TPTE2: variants seen among roughly 807,000 people sequenced by gnomAD.
TPTE2 encodes the protein transmembrane phosphoinositide 3-phosphatase and tensin homolog 2.
TPTE2 carries 53 observed loss-of-function variants against 78.6 expected under a neutral mutation model. That is an observed-to-expected ratio of 0.67 (90% CI 0.54 to 0.85). TPTE2 has a LOEUF of 0.85. Among genes scored for constraint, TPTE2 ranks in the 40% least tolerant of loss-of-function variants. The pLI is 0.00. For synonymous variants in TPTE2, 175 were observed against 206.2 expected, an observed-to-expected ratio of 0.85 and a Z score of 1.30; for missense variants, 461 against 623.0, an observed-to-expected ratio of 0.74 and a Z score of 2.77.
chr13:19,537,659 G>A (rs905652896), upstream of TPTE2, among the ~76,000 whole-genome samples: 4 of 151,586 alleles, frequency 2.6e-5, no homozygotes, highest in Admixed American at 6.6e-5. Flanking sequence ...CTGGAGTGCA[G>A]TGGTACTGTG....
At chr13:19,441,668 G>A (rs1403887057) in intron 13 of TPTE2, among the ~76,000 whole-genome samples, 2 of 151,970 alleles carry the variant, frequency 1.3e-5, no homozygotes, top group Non-Finnish European at 2.9e-5. Flanking sequence ...ACTCAACAAA[G>A]AGAATCCACC....
the TPTE2 span, among the ~76,000 whole-genome samples, chr13:19,543,656 A>C: frequency 2.0e-5 from 3 of 151,214 alleles, no homozygotes; most frequent in African/African-American, 7.3e-5. Context: ...ACGCCTGGCC[A>C]CTAATGAATA....
upstream of TPTE2, among the ~76,000 whole-genome samples, chr13:19,537,084 G>A (rs1446090081): frequency 2.6e-5 from 4 of 151,740 alleles, no homozygotes; most frequent in African/African-American, 9.7e-5. Context: ...TGCATCTAAG[G>A]GGTACAAATG....
chr13:19,558,669 A>T, the TPTE2 span, among the ~76,000 whole-genome samples: 3 of 152,234 alleles, frequency 2.0e-5, no homozygotes, highest in African/African-American at 7.2e-5. Flanking sequence ...AACAGGGTTA[A>T]CAATCTTACA....
chr13:19,423,371 A>G (rs1875752803), intron 19 of TPTE2, among the ~76,000 whole-genome samples: 2 of 152,212 alleles, frequency 1.3e-5, no homozygotes, highest in Non-Finnish European at 2.9e-5. Context: ...TCAGTAACAC[A>G]TGCTGACTCT....
At chr13:19,518,815 T>C (rs540432744) in intron 1 of TPTE2, among the ~76,000 whole-genome samples, 1 of 152,292 alleles carries the variant, frequency 6.6e-6, no homozygotes, top group African/African-American at 2.4e-5. Flanking sequence ...TTTTCTTAGA[T>C]CTGTCCAAGA....
At chr13:19,436,228 GAGA>G in exon 15 of TPTE2, 1 of 1,610,532 alleles carries the variant, frequency 6.2e-7, no homozygotes, top group South Asian at 1.1e-5. Flanking sequence ...AAACTTACCT[GAGA>G]AGGAGTTTCT....
rs907879227 is a variant in TPTE2 at position 19,458,603 on chromosome 13, C to T, written c.741+5853G>A. On this transcript the variant is annotated intron_variant, in intron 10 of 19. Transcript: ENST00000400230. ...TAATCCAATGGCCTGACCTGTCTTC[C>T]ACCTGAAGAGACCATGGAGATTAGG... is the stretch of plus-strand genomic sequence containing the variant. 1.4e-4 allele frequency: 66 copies of T among 468,612 alleles called. 1 individual carries two copies. In the Admixed American group the frequency reaches 1.4e-3, roughly 10 times the overall value. 29.0% of individuals were successfully genotyped at this position (468,612 alleles called of 1,614,324 possible).
intron 1 of TPTE2, among the ~76,000 whole-genome samples, chr13:19,519,745 T>G (rs74491682): frequency 0.014 from 2,073 of 152,298 alleles, 39 homozygotes; most frequent in African/African-American, 0.046. Context: ...TCTTCAAGAT[T>G]GTTTTGGTTA....
intron 12 of TPTE2, 24 bp downstream of exon 15, chr13:19,450,239 T>G (rs1224984649): frequency 6.2e-7 from 1 of 1,610,934 alleles, no homozygotes. Context: ...CCTCTTCTGA[T>G]AGTCAATTTA....
intron 6 of TPTE2, among the ~76,000 whole-genome samples, chr13:19,467,921 A>G (rs1454811901): frequency 6.8e-6 from 1 of 147,328 alleles, no homozygotes; most frequent in African/African-American, 2.5e-5. Flanking sequence ...GAGCCCCATA[A>G]TAAGTGAGAA....
chr13:19,468,157 C>T (rs973133347), intron 6 of TPTE2, among the ~76,000 whole-genome samples: 11 of 149,882 alleles, frequency 7.3e-5, no homozygotes, highest in Admixed American at 6.0e-4. Flanking sequence ...TCTCCTGCCT[C>T]AGCCTCACGA....
In TPTE2 at chr13:19,521,677, T is replaced by C. The variant is rs1870160863; in HGVS notation, c.-44+14919A>G. On this transcript the variant is annotated intron_variant, in intron 1 of 17. Coordinates refer to the TPTE2 transcript ENST00000390680. ...TGAGTTGTTTTCTTAGTGGTTGCCC[T>C]GGATATTGCAATTAACATGTTGATT... Among the ~76,000 whole-genome samples, 4 of 152,214 alleles carry C rather than the reference T, an allele frequency of 2.6e-5. No individual in the cohort carries two copies. In the South Asian group the frequency reaches 8.3e-4, roughly 32 times the overall value.
chr13:19,555,123 C>G, the TPTE2 span, among the ~76,000 whole-genome samples: 2 of 152,222 alleles, frequency 1.3e-5, no homozygotes, highest in Non-Finnish European at 2.9e-5. Flanking sequence ...ATGCCTGACG[C>G]TCTCTCAGAT....
chr13:19,451,034 G>A lies in TPTE2; in HGVS notation c.802+131C>T. 4 of 1,126,034 alleles carry A rather than the reference G, an allele frequency of 3.6e-6. No homozygotes were observed. In the South Asian group the frequency reaches 6.3e-5, roughly 18 times the overall value. The allele number at this position is 1,126,034 out of a possible 1,614,324, so 69.8% of individuals were successfully genotyped here. On this transcript the variant is annotated intron_variant, in intron 11 of 19. Coordinates refer to ENST00000400230, the Ensembl canonical transcript of TPTE2. ...CTAAATGGGGCCAGTCCAAGATGGGGATTTTTAAATTCATTCCTTGCCACT... is the reference window on the plus strand; with the variant it reads ...CTAAATGGGGCCAGTCCAAGATGGGAATTTTTAAATTCATTCCTTGCCACT...
intron 13 of TPTE2, among the ~76,000 whole-genome samples, chr13:19,446,918 G>A (rs1877878075): frequency 1.3e-5 from 2 of 152,150 alleles, no homozygotes; most frequent in African/African-American, 4.8e-5. Context: ...ACTCCAGCCT[G>A]AGTGACAGAG....
intron 1 of TPTE2, among the ~76,000 whole-genome samples, chr13:19,511,371 GC>G (rs773734390): frequency 1.9e-4 from 28 of 148,040 alleles, no homozygotes; most frequent in Non-Finnish European, 3.9e-4. Flanking sequence ...AAACATATAG[GC>G]AAAACAACAA....
intron 17 of TPTE2, among the ~76,000 whole-genome samples, chr13:19,429,493 G>A (rs1199332868): frequency 6.6e-6 from 1 of 152,218 alleles, no homozygotes; most frequent in African/African-American, 2.4e-5. Context: ...GAGTTGGAGT[G>A]GAAACTGTTC....
chr13:19,455,769 A>T (rs1386569219), intron 10 of TPTE2, among the ~76,000 whole-genome samples: 1 of 152,258 alleles, frequency 6.6e-6, no homozygotes, highest in East Asian at 1.9e-4. Flanking sequence ...TGAAAATCTC[A>T]TTAATGGAAT....
Sources: allele counts gnomAD v4.1 joint callset (sites outside exome capture counted in the v4.1 genomes callset), GRCh38; gene constraint gnomAD v4.1.1; transcripts MANE v1.5; gene names NCBI Gene and HGNC (gene_info 2026-07-23, HGNC 2026-07-21).